ANK3: variants seen among roughly 807,000 people sequenced by gnomAD.
ANK3 encodes the protein ankyrin-3.
In ANK3, 57 loss-of-function variants were observed where a neutral mutation model predicts 370.9. That is an observed-to-expected ratio of 0.15 (90% confidence interval 0.12 to 0.19). The LOEUF is 0.19. ANK3 is among the 10% of genes least tolerant of loss of function. The pLI is 1.00. For synonymous variants in ANK3, 1,929 were observed against 1,946.3 expected, an observed-to-expected ratio of 0.99 and a Z score of 0.23; for missense variants, 4,439 against 5,302.1, an observed-to-expected ratio of 0.84 and a Z score of 5.06.
At chr10:60,676,205 AT>A (rs2079123555) in intron 1 of ANK3, among the ~76,000 whole-genome samples, 1 of 152,194 alleles carries the variant, frequency 6.6e-6, no homozygotes, top group Non-Finnish European at 1.5e-5. Flanking sequence ...CAAAATTTCC[AT>A]TACTTGCTCT....
At chr10:60,059,971 T>C in intron 40 of ANK3, 1 of 1,604,762 alleles carries the variant, frequency 6.2e-7, no homozygotes, top group South Asian at 1.1e-5. Flanking sequence ...TGCAACCCTG[T>C]GGGGGTTTCC....
chr10:60,412,974 C>T (rs928566156), intron 2 of ANK3, among the ~76,000 whole-genome samples: 3 of 152,108 alleles, frequency 2.0e-5, no homozygotes, highest in African/African-American at 4.8e-5. Context: ...GTTGATGAAT[C>T]GATAAAAGGT....
chr10:60,435,844 A>G (rs1219313979), intron 2 of ANK3, among the ~76,000 whole-genome samples: 1 of 152,234 alleles, frequency 6.6e-6, no homozygotes, highest in Non-Finnish European at 1.5e-5. Context: ...TCACGCCTGT[A>G]ATCCCAGCAC....
At chr10:60,099,777 C>T (rs1641060878) in intron 28 of ANK3, among the ~76,000 whole-genome samples, 1 of 152,136 alleles carries the variant, frequency 6.6e-6, no homozygotes, top group African/African-American at 2.4e-5. Flanking sequence ...AATAACCTCG[C>T]ATGAGCAGCA....
At chr10:60,614,840 G>T (rs1451899492) in intron 2 of ANK3, among the ~76,000 whole-genome samples, 1 of 152,116 alleles carries the variant, frequency 6.6e-6, no homozygotes, top group African/African-American at 2.4e-5. Flanking sequence ...ATGGAGAAAT[G>T]GATGCTGTAT....
At chr10:60,059,988 A>T (rs1179335146) in intron 40 of ANK3, 1 of 1,592,434 alleles carries the variant, frequency 6.3e-7, no homozygotes. Context: ...TTCCAGTTCC[A>T]CTTGAAGGGA....
chr10:60,533,667 T>G (rs1335599044), intron 2 of ANK3, among the ~76,000 whole-genome samples: 1 of 152,130 alleles, frequency 6.6e-6, no homozygotes, highest in East Asian at 1.9e-4. Flanking sequence ...TGTCATGAGC[T>G]GGGCCGAATT....
chr10:60,160,584 A>G (rs570800424), intron 23 of ANK3, among the ~76,000 whole-genome samples: 32 of 152,280 alleles, frequency 2.1e-4, no homozygotes, highest in African/African-American at 7.2e-4. Context: ...AAAACCAGAC[A>G]AAGACACACA....
intron 2 of ANK3, among the ~76,000 whole-genome samples, chr10:60,591,930 G>A (rs2133293543): frequency 6.6e-6 from 1 of 152,306 alleles, no homozygotes; most frequent in South Asian, 2.1e-4. Context: ...AGACTTGGAA[G>A]GATAATGGAG....
At chr10:60,458,561 G>A (rs2064808885) in intron 2 of ANK3, among the ~76,000 whole-genome samples, 1 of 152,140 alleles carries the variant, frequency 6.6e-6, no homozygotes, top group African/African-American at 2.4e-5. Context: ...GCACAAGGGA[G>A]AGAGAGACTG....
chr10:60,540,417 T>G (rs2076820302), intron 2 of ANK3, among the ~76,000 whole-genome samples: 2 of 151,914 alleles, frequency 1.3e-5, no homozygotes, highest in Admixed American at 1.3e-4. Context: ...CATCTGGATC[T>G]TTCAGATAAA....
chr10:60,243,050 T>A (rs2097494680), intron 7 of ANK3, among the ~76,000 whole-genome samples: 1 of 152,154 alleles, frequency 6.6e-6, no homozygotes, highest in African/African-American at 2.4e-5. Flanking sequence ...TTGGAGCACC[T>A]AAGAGTGTGT....
intron 26 of ANK3, among the ~76,000 whole-genome samples, chr10:60,111,257 C>G (rs1361441534): frequency 6.6e-6 from 1 of 152,092 alleles, no homozygotes; most frequent in Non-Finnish European, 1.5e-5. Flanking sequence ...ATGATATTAA[C>G]AACAAACTGG....
At chr10:60,189,584 T>C (rs1226972320) in intron 16 of ANK3, among the ~76,000 whole-genome samples, 1 of 152,160 alleles carries the variant, frequency 6.6e-6, no homozygotes, top group Admixed American at 6.5e-5. Context: ...ATAAGCACAT[T>C]TATCTTGAGG....
At chr10:60,461,034 C>CA (rs2064871153) in intron 2 of ANK3, among the ~76,000 whole-genome samples, 1 of 152,166 alleles carries the variant, frequency 6.6e-6, no homozygotes, top group South Asian at 2.1e-4. Context: ...AATTTAAGCA[C>CA]AGGTCACAAA....
intron 25 of ANK3, among the ~76,000 whole-genome samples, chr10:60,117,391 T>A (rs2093169526): frequency 6.6e-6 from 1 of 152,136 alleles, no homozygotes; most frequent in Admixed American, 6.5e-5. Flanking sequence ...GACACATAGA[T>A]CACCTAATGA....
At chr10:60,241,441 G>C (rs1375506315) in intron 7 of ANK3, among the ~76,000 whole-genome samples, 1 of 152,116 alleles carries the variant, frequency 6.6e-6, no homozygotes, top group Non-Finnish European at 1.5e-5. Context: ...CATTTGGGAA[G>C]TTTCTGAAAG....
At chr10:60,248,965 C>T (rs1216880724) in intron 7 of ANK3, among the ~76,000 whole-genome samples, 1 of 152,158 alleles carries the variant, frequency 6.6e-6, no homozygotes, top group Non-Finnish European at 1.5e-5. Context: ...AAGGAAACAG[C>T]ATATTCAGTG....
chr10:60,031,984 G>A (rs2073692509), intron 43 of ANK3, among the ~76,000 whole-genome samples: 2 of 152,010 alleles, frequency 1.3e-5, no homozygotes, highest in Non-Finnish European at 2.9e-5. Context: ...ATCTTGCAGA[G>A]GGTGGGCAAA....
Sources: allele counts gnomAD v4.1 joint callset (sites outside exome capture counted in the v4.1 genomes callset), GRCh38; gene constraint gnomAD v4.1.1; transcripts MANE v1.5; gene names NCBI Gene and HGNC (gene_info 2026-07-23, HGNC 2026-07-21).